The following PTPN11 variants were observed in gnomAD, a reference collection of about 807,000 sequenced individuals.
PTPN11 encodes the protein protein tyrosine phosphatase non-receptor type 11, also known as tyrosine-protein phosphatase non-receptor type 11.
A neutral mutation model predicts 78.8 loss-of-function variants in PTPN11; 6 were observed. The observed-to-expected ratio is 0.08, with a 90% confidence interval of 0.04 to 0.15. PTPN11 has a LOEUF of 0.15. PTPN11 is among the 10% of genes least tolerant of loss of function. The pLI is 1.00. For missense variants in PTPN11, 386 were observed against 744.8 expected (o/e 0.52, Z 5.61); for synonymous variants, 221 against 263.5 (o/e 0.84, Z 1.56).
chr12:112,424,963 TG>T, intron 1 of PTPN11, among the ~76,000 whole-genome samples: 1 of 99,896 alleles, frequency 1.0e-5, no homozygotes, highest in Non-Finnish European at 2.0e-5. Flanking sequence ...TAATTGTGTG[TG>T]TGTGTGTGTG....
At position 112,441,143 on chromosome 12, in the gene PTPN11, T is replaced by C. The variant is rs943684603; in HGVS notation, c.15-5133T>C. Among the ~76,000 whole-genome samples, 9 of 152,036 alleles carry C rather than the reference T, an allele frequency of 5.9e-5. 1 individual carries two copies. Among genetic ancestry groups the C allele is most frequent in the Admixed American group, 1.3e-4 (2 of 15,264 alleles). ...CCATGCCCGGCTGATTTTGTATTTTTAGTAGGGACAGGGTTTCTCCATGTT... is the reference window on the plus strand; with the variant it reads ...CCATGCCCGGCTGATTTTGTATTTTCAGTAGGGACAGGGTTTCTCCATGTT... On this transcript the variant is annotated intron_variant, in intron 1 of 15. Coordinates refer to ENST00000351677, the MANE Select transcript of PTPN11 (RefSeq NM_002834.5).
chr12:112,503,529 C>T (rs1286117875), intron 14 of PTPN11, among the ~76,000 whole-genome samples: 7 of 152,180 alleles, frequency 4.6e-5, no homozygotes, highest in Non-Finnish European at 7.3e-5. Context: ...GGTATTTTCT[C>T]GTCCAAGTTG....
At chr12:112,427,253 AATATAG>A (rs1363880584) in intron 1 of PTPN11, among the ~76,000 whole-genome samples, 2 of 150,878 alleles carry the variant, frequency 1.3e-5, no homozygotes, top group Non-Finnish European at 3.0e-5. Context: ...CTCAAAAAAA[AATATAG>A]ATATAGGCTG....
chr12:112,488,105 AT>A (rs1209574798), intron 11 of PTPN11, among the ~76,000 whole-genome samples: 5 of 151,906 alleles, frequency 3.3e-5, no homozygotes, highest in Non-Finnish European at 7.4e-5. Context: ...ATTTTGATGT[AT>A]TTTTTTGTAT....
chr12:112,420,201 A>G (rs536986452), intron 1 of PTPN11, among the ~76,000 whole-genome samples: 3 of 152,238 alleles, frequency 2.0e-5, no homozygotes, highest in South Asian at 4.1e-4. Flanking sequence ...TGATCCTGCT[A>G]TTTTGTATAG....
intron 11 of PTPN11, among the ~76,000 whole-genome samples, chr12:112,487,087 A>G (rs371889966): frequency 6.8e-6 from 1 of 147,092 alleles, no homozygotes; most frequent in African/African-American, 2.5e-5. Context: ...CTACTCTTCT[A>G]TGATTCATCT....
Position 112,442,854 on chromosome 12 carries a change from ATATATATATATATATATATATAT to A in PTPN11, c.15-3421_15-3399del, listed in dbSNP as rs1566162644. Among the ~76,000 whole-genome samples, 4 of 95,202 alleles carry A rather than the reference ATATATATATATATATATATATAT, an allele frequency of 4.2e-5. 1 individual carries two copies. Among genetic ancestry groups the A allele is most frequent in the African/African-American group, 1.3e-4 (3 of 23,648 alleles). 62.5% of individuals were successfully genotyped at this position (95,202 alleles called of 152,430 possible). On this transcript the variant is annotated intron_variant, in intron 1 of 15. Coordinates refer to ENST00000351677, the MANE Select transcript of PTPN11 (RefSeq NM_002834.5). ...TTTATATATATATATATATATATAT[ATATATATATATATATATATATAT>A]AAATTATATATACACTACACATATA...
At chr12:112,442,775 T>C (rs73425490) in intron 1 of PTPN11, among the ~76,000 whole-genome samples, 2,646 of 139,382 alleles carry the variant, frequency 0.019, 97 homozygotes, top group African/African-American at 0.067. Context: ...CATTTTAGAT[T>C]TGGGATACTC....
chr12:112,421,912 G>A (rs1275331434), intron 1 of PTPN11, among the ~76,000 whole-genome samples: 4 of 152,208 alleles, frequency 2.6e-5, no homozygotes, highest in Non-Finnish European at 5.9e-5. Flanking sequence ...ACAGGCATGA[G>A]CTATTGCGTC....
chr12:112,450,606 A>G (rs1037065620), intron 3 of PTPN11, 94 bp downstream of exon 3: 4 of 1,227,642 alleles, frequency 3.3e-6, no homozygotes, highest in Admixed American at 3.4e-5. Context: ...CTCTGACTCC[A>G]AAGGCTTGTG....
At chr12:112,470,515 G>A (rs938495317) in intron 6 of PTPN11, among the ~76,000 whole-genome samples, 1 of 152,174 alleles carries the variant, frequency 6.6e-6, no homozygotes. Context: ...GAGACTAGAA[G>A]GCCTTGTGCG....
rs537146777 is a variant in PTPN11, at chr12:112,508,091, T to C, written c.*2299T>C. On this transcript the variant is annotated 3_prime_UTR_variant, in exon 16 of 16. Transcript: ENST00000351677. ...CTTTCACCAGCACACAAGAGTTTGA[T>C]TGTACAAATATATCTTCTGCATTAA... The C allele has an allele frequency of 7.2e-5, 11 of 152,804 alleles. No individual in the cohort carries two copies. Among genetic ancestry groups the C allele is most frequent in the African/African-American group, 2.6e-4 (11 of 41,586 alleles). The allele number at this position is 152,804 out of a possible 1,614,324, so 9.5% of individuals were successfully genotyped here. A position where few individuals can be genotyped will look rare whatever the true frequency, so the allele number is the denominator to read the frequency against.
chr12:112,468,523 C>T (rs1200208430), intron 6 of PTPN11, among the ~76,000 whole-genome samples: 2 of 152,156 alleles, frequency 1.3e-5, no homozygotes, highest in African/African-American at 2.4e-5. Context: ...CAACTTGAGT[C>T]CCAGGTGCAG....
At chr12:112,496,147 T>C (rs1592859092) in intron 13 of PTPN11, among the ~76,000 whole-genome samples, 1 of 152,348 alleles carries the variant, frequency 6.6e-6, no homozygotes, top group Non-Finnish European at 1.5e-5. Context: ...GAGACGCATG[T>C]ACATTTATTT....
intron 15 of PTPN11, among the ~76,000 whole-genome samples, chr12:112,505,204 G>T (rs2038918807): frequency 6.6e-6 from 1 of 152,136 alleles, no homozygotes; most frequent in Non-Finnish European, 1.5e-5. Context: ...ATTTCAGTCA[G>T]TCTCTGACCA....
intron 6 of PTPN11, among the ~76,000 whole-genome samples, chr12:112,467,781 C>T (rs1275056424): frequency 1.3e-5 from 2 of 152,178 alleles, no homozygotes; most frequent in Non-Finnish European, 2.9e-5. Context: ...AGGCATGAGC[C>T]ACTGCGCACG....
At chr12:112,430,772 T>A (rs2037701069) in intron 1 of PTPN11, among the ~76,000 whole-genome samples, 1 of 152,036 alleles carries the variant, frequency 6.6e-6, no homozygotes, top group Non-Finnish European at 1.5e-5. Context: ...GGTCTTACTT[T>A]GTTACCCAGA....
intron 1 of PTPN11, among the ~76,000 whole-genome samples, chr12:112,422,990 T>C (rs116195835): frequency 8.6e-4 from 131 of 152,288 alleles, no homozygotes; most frequent in African/African-American, 3.1e-3. Context: ...CGCCAATGTT[T>C]TTAAGGAAGA....
chr12:112,489,999 ATTAGT>A (rs1221876672), intron 13 of PTPN11, among the ~76,000 whole-genome samples: 1 of 152,176 alleles, frequency 6.6e-6, no homozygotes, highest in Non-Finnish European at 1.5e-5. Context: ...GTACTTGCTA[ATTAGT>A]TTAGTAGGTT....
Sources: allele counts gnomAD v4.1 joint callset (sites outside exome capture counted in the v4.1 genomes callset), GRCh38; gene constraint gnomAD v4.1.1; transcripts MANE v1.5; gene names NCBI Gene and HGNC (gene_info 2026-07-23, HGNC 2026-07-21).